The following GPC3 variants were observed in gnomAD, a reference collection of about 807,000 sequenced individuals.
The protein encoded by GPC3 is glypican-3.
A neutral mutation model predicts 34.4 loss-of-function variants in GPC3; 3 were observed. The observed-to-expected ratio is 0.09, with a 90% CI of 0.04 to 0.23. The LOEUF is 0.23. Ranked by LOEUF, GPC3 falls within the 10% of genes least tolerant of loss-of-function variation. GPC3 has a pLI of 1.00. For missense variants in GPC3, 351 were observed against 445.6 expected (o/e 0.79, Z 1.91); for synonymous variants, 177 against 174.0 (o/e 1.02, Z -0.13).
At chrX:133,564,888 G>A (rs2069569503) in intron 7 of GPC3, among the ~76,000 whole-genome samples, 2 of 112,049 alleles carry the variant, frequency 1.8e-5, no homozygotes, top group African/African-American at 6.5e-5. Flanking sequence ...CTCTTACATA[G>A]ATTTTAATCT....
intron 5 of GPC3, among the ~76,000 whole-genome samples, chrX:133,683,117 T>A (rs961629377): frequency 1.8e-5 from 2 of 110,907 alleles, no homozygotes; most frequent in African/African-American, 6.6e-5. Flanking sequence ...TGGTTGAGAA[T>A]CAACAACTTG....
chrX:133,660,908 C>A (rs780893352), intron 6 of GPC3, among the ~76,000 whole-genome samples: 2 of 111,664 alleles, frequency 1.8e-5, no homozygotes, highest in Non-Finnish European at 3.8e-5. Context: ...GTGGCTCACA[C>A]CTGTAGTCCT....
intron 2 of GPC3, among the ~76,000 whole-genome samples, chrX:133,797,011 G>C (rs1030467503): frequency 1.8e-5 from 2 of 110,888 alleles, no homozygotes; most frequent in Admixed American, 1.9e-4. Context: ...TGGGCCTTTG[G>C]AATTCCTTGT....
At chrX:133,800,653 G>A (rs1364257973) in intron 2 of GPC3, among the ~76,000 whole-genome samples, 2 of 111,692 alleles carry the variant, frequency 1.8e-5, no homozygotes, top group African/African-American at 6.5e-5. Context: ...GTAATACGGC[G>A]GGCTACAAAT....
intron 2 of GPC3, among the ~76,000 whole-genome samples, chrX:133,890,520 C>T (rs1371207883): frequency 1.8e-5 from 2 of 110,172 alleles, no homozygotes; most frequent in African/African-American, 6.6e-5. Flanking sequence ...GAACTCAAGA[C>T]CAGCCTGGGC....
intron 2 of GPC3, among the ~76,000 whole-genome samples, chrX:133,842,917 T>G (rs1275529833): frequency 1.8e-5 from 2 of 111,378 alleles, no homozygotes. Context: ...GTAGTGATGA[T>G]GTGTGACTTC....
intron 7 of GPC3, 144 bp downstream of exon 7, chrX:133,596,296 G>T: frequency 1.8e-6 from 1 of 566,328 alleles, no homozygotes; most frequent in Non-Finnish European, 3.0e-6. Context: ...ACTTTCTAGA[G>T]CTTGTATAGT....
intron 6 of GPC3, 76 bp downstream of exon 6, chrX:133,661,644 TCTCTCTCCCC>T (rs2070727159): frequency 2.5e-5 from 1 of 40,297 alleles, no homozygotes; most frequent in African/African-American, 1.1e-4. Flanking sequence ...CCCCCCCCCC[TCTCTCTCCCC>T]CTCTCTCTCT....
intron 2 of GPC3, among the ~76,000 whole-genome samples, chrX:133,824,369 T>A (rs949334090): frequency 6.3e-5 from 7 of 111,436 alleles, no homozygotes; most frequent in Non-Finnish European, 9.4e-5. Context: ...TCAGTGGAAA[T>A]GACAGAGTAA....
At chrX:133,859,769 T>C (rs747384477) in intron 2 of GPC3, among the ~76,000 whole-genome samples, 16 of 112,238 alleles carry the variant, frequency 1.4e-4, no homozygotes, top group Non-Finnish European at 3.0e-4. Flanking sequence ...TAAATACTTA[T>C]GTGTGTTAGT....
At chrX:133,551,132 C>A (rs1472820298) in intron 7 of GPC3, among the ~76,000 whole-genome samples, 8 of 105,712 alleles carry the variant, frequency 7.6e-5, no homozygotes, top group African/African-American at 1.0e-4. Context: ...TGCCCCCCCC[C>A]ACCCCACCCT....
chrX:133,941,724 T>C (rs908828337), intron 2 of GPC3, among the ~76,000 whole-genome samples: 4 of 111,864 alleles, frequency 3.6e-5, no homozygotes, highest in African/African-American at 6.5e-5. Context: ...AATTAAGATA[T>C]TGACACATTT....
intron 5 of GPC3, among the ~76,000 whole-genome samples, chrX:133,667,655 C>T (rs747245294): frequency 1.7e-4 from 19 of 109,959 alleles, no homozygotes; most frequent in African/African-American, 6.3e-4. Context: ...GTTTGAGACC[C>T]GCCTGGGCAA....
At position 133,969,874 on chromosome X, in the gene GPC3, C is replaced by T. The variant is rs148152050; in HGVS notation, c.175+15401G>A. 5.2e-3 allele frequency among the ~76,000 whole-genome samples: 579 copies of T among 111,841 alleles called. 3 individuals are homozygous for T. Among genetic ancestry groups the T allele is most frequent in the African/African-American group, 0.017 (535 of 30,843 alleles). Reference sequence around the variant, plus strand: ...ACACGACCATAACAACCTCCAGGCACAAACTAAAAGCTCATTAAAGAGTAT... The same window carrying T: ...ACACGACCATAACAACCTCCAGGCATAAACTAAAAGCTCATTAAAGAGTAT... On this transcript the variant is annotated intron_variant, in intron 1 of 7. Coordinates refer to ENST00000370818, the MANE Select transcript of GPC3 (RefSeq NM_004484.4).
chrX:133,602,625 A>G (rs1204343162), intron 6 of GPC3, among the ~76,000 whole-genome samples: 2 of 111,831 alleles, frequency 1.8e-5, no homozygotes, highest in Non-Finnish European at 3.8e-5. Flanking sequence ...ATACTACTGT[A>G]GGATGAATAT....
At chrX:133,954,299 C>T (rs1158313473) in intron 1 of GPC3, among the ~76,000 whole-genome samples, 2 of 112,094 alleles carry the variant, frequency 1.8e-5, no homozygotes, top group Admixed American at 9.4e-5. Flanking sequence ...TATCAACTTG[C>T]ACCCTTAAAA....
At chrX:133,565,538 A>G (rs1012513351) in intron 7 of GPC3, among the ~76,000 whole-genome samples, 2 of 112,163 alleles carry the variant, frequency 1.8e-5, no homozygotes. Flanking sequence ...GCTGCATTGA[A>G]TTCTTGCTCT....
intron 5 of GPC3, among the ~76,000 whole-genome samples, chrX:133,669,510 C>T (rs764846502): frequency 8.9e-6 from 1 of 112,078 alleles, no homozygotes; most frequent in Non-Finnish European, 1.9e-5. Context: ...CACTGGAGCA[C>T]GTGGTTCACG....
intron 2 of GPC3, among the ~76,000 whole-genome samples, chrX:133,889,180 C>A (rs2076074926): frequency 8.9e-6 from 1 of 112,182 alleles, no homozygotes; most frequent in African/African-American, 3.2e-5. Context: ...TTAAGCATCT[C>A]ATTTTTCCCC....
Sources: gnomAD v4.1 joint callset for allele counts (sites outside exome capture counted in the v4.1 genomes callset) on GRCh38, gnomAD v4.1.1 for gene constraint, MANE v1.5 for transcripts, NCBI Gene and HGNC (gene_info 2026-07-23, HGNC 2026-07-21) for gene names.